CPQ: variants seen among roughly 807,000 people sequenced by gnomAD.
CPQ encodes the protein Ser-Met dipeptidase.
A neutral mutation model predicts 45.7 loss-of-function variants in CPQ; 37 were observed. The observed-to-expected ratio is 0.81, with a 90% CI of 0.62 to 1.07. The LOEUF (loss-of-function observed/expected upper bound fraction) is 1.07, where lower values mean the gene tolerates loss of function less well. Ranked by LOEUF, CPQ falls within the 50% of genes least tolerant of loss-of-function variation. CPQ has a pLI of 0.00. For synonymous variants in CPQ, 186 were observed against 205.8 expected (o/e 0.90, Z 0.82); for missense variants, 537 against 572.9 (o/e 0.94, Z 0.64).
chr8:97,049,024 C>A (rs1465903084), intron 6 of CPQ, among the ~76,000 whole-genome samples: 1 of 152,146 alleles, frequency 6.6e-6, no homozygotes, highest in Non-Finnish European at 1.5e-5. Flanking sequence ...GTAGTTAATG[C>A]CTAATTATAC....
chr8:96,724,845 C>T (rs1166638335), intron 1 of CPQ, among the ~76,000 whole-genome samples: 1 of 151,840 alleles, frequency 6.6e-6, no homozygotes, highest in East Asian at 1.9e-4. Flanking sequence ...TCACATTATC[C>T]AACTTGTTTA....
chr8:96,940,206 G>T (rs1813106505), intron 4 of CPQ, among the ~76,000 whole-genome samples: 1 of 151,904 alleles, frequency 6.6e-6, no homozygotes, highest in African/African-American at 2.4e-5. Context: ...AAACAAATCT[G>T]CCAAATGGGC....
intron 1 of CPQ, among the ~76,000 whole-genome samples, chr8:96,743,105 A>T (rs1810119174): frequency 6.6e-6 from 1 of 152,186 alleles, no homozygotes; most frequent in African/African-American, 2.4e-5. Flanking sequence ...GGTCACTTTC[A>T]GGCACACCAA....
chr8:96,837,187 A>G (rs1216770103), intron 3 of CPQ, among the ~76,000 whole-genome samples: 1 of 152,176 alleles, frequency 6.6e-6, no homozygotes, highest in Non-Finnish European at 1.5e-5. Context: ...ATAAAAACGA[A>G]AATAAAATGA....
intron 1 of CPQ, among the ~76,000 whole-genome samples, chr8:96,684,407 C>G (rs1809195909): frequency 6.6e-6 from 1 of 152,168 alleles, no homozygotes; most frequent in African/African-American, 2.4e-5. Flanking sequence ...CAGGCTGGTC[C>G]TTGGGTACCA....
chr8:97,091,854 A>ATG, intron 7 of CPQ, among the ~76,000 whole-genome samples: 1 of 150,572 alleles, frequency 6.6e-6, no homozygotes, highest in South Asian at 2.1e-4. Context: ...ATGGATGGAT[A>ATG]GATGGATGGA....
chr8:96,872,683 C>T (rs569495665), intron 3 of CPQ, among the ~76,000 whole-genome samples: 2 of 151,848 alleles, frequency 1.3e-5, no homozygotes, highest in East Asian at 3.9e-4. Flanking sequence ...TCCAGAGAAA[C>T]AAAACCAATA....
intron 4 of CPQ, among the ~76,000 whole-genome samples, chr8:96,887,212 AAAAT>A (rs1812316815): frequency 6.6e-6 from 1 of 152,228 alleles, no homozygotes; most frequent in African/African-American, 2.4e-5. Context: ...ATTATATTGT[AAAAT>A]AAATTTTTTA....
At chr8:96,913,979 C>G (rs1407551693) in intron 4 of CPQ, among the ~76,000 whole-genome samples, 2 of 152,160 alleles carry the variant, frequency 1.3e-5, no homozygotes, top group Non-Finnish European at 2.9e-5. Context: ...TCAAGCTTCT[C>G]TACTTAATTG....
At chr8:96,886,451 G>C in intron 4 of CPQ, among the ~76,000 whole-genome samples, 1 of 152,298 alleles carries the variant, frequency 6.6e-6, no homozygotes, top group East Asian at 1.9e-4. Context: ...CTTTGCATTT[G>C]AAAATTCAGA....
At chr8:96,776,942 T>G (rs528553220) in intron 1 of CPQ, among the ~76,000 whole-genome samples, 5 of 152,310 alleles carry the variant, frequency 3.3e-5, no homozygotes, top group African/African-American at 1.2e-4. Context: ...TACTTTGAAT[T>G]CAAGTGAAGG....
chr8:97,015,335 T>A (rs1280728985), intron 5 of CPQ, among the ~76,000 whole-genome samples: 2 of 151,930 alleles, frequency 1.3e-5, no homozygotes, highest in Non-Finnish European at 2.9e-5. Flanking sequence ...GCCAACTAGA[T>A]CAGGCTTGTG....
At chr8:96,919,784 G>A (rs1812783327) in intron 4 of CPQ, among the ~76,000 whole-genome samples, 1 of 152,076 alleles carries the variant, frequency 6.6e-6, no homozygotes, top group Non-Finnish European at 1.5e-5. Context: ...TGTGACTTTG[G>A]TGTGGCCTAA....
At chr8:96,795,814 A>C (rs1810920277) in intron 2 of CPQ, among the ~76,000 whole-genome samples, 2 of 152,118 alleles carry the variant, frequency 1.3e-5, no homozygotes, top group South Asian at 2.1e-4. Context: ...AATAAATGAC[A>C]TATAAAGGAG....
intron 7 of CPQ, among the ~76,000 whole-genome samples, chr8:97,086,608 C>T (rs1216801301): frequency 6.6e-6 from 1 of 152,144 alleles, no homozygotes; most frequent in Non-Finnish European, 1.5e-5. Flanking sequence ...GCCTGATTCA[C>T]CAAAGCTACA....
At chr8:96,704,003 G>A (rs1809501242) in intron 1 of CPQ, among the ~76,000 whole-genome samples, 1 of 152,140 alleles carries the variant, frequency 6.6e-6, no homozygotes, top group African/African-American at 2.4e-5. Flanking sequence ...TTGGAAAATA[G>A]TCCTATGTAG....
At chr8:96,730,566 C>G (rs1809898537) in intron 1 of CPQ, among the ~76,000 whole-genome samples, 1 of 151,988 alleles carries the variant, frequency 6.6e-6, no homozygotes, top group South Asian at 2.1e-4. Context: ...TCCTTCCCCC[C>G]AAAGACTGCT....
At chr8:96,757,097 C>G (rs1007866618) in intron 1 of CPQ, among the ~76,000 whole-genome samples, 1 of 151,986 alleles carries the variant, frequency 6.6e-6, no homozygotes, top group Non-Finnish European at 1.5e-5. Context: ...TGGCGTAATA[C>G]CAGCACTTTG....
intron 1 of CPQ, among the ~76,000 whole-genome samples, chr8:96,781,043 G>T (rs1207509817): frequency 6.6e-6 from 1 of 152,088 alleles, no homozygotes; most frequent in Non-Finnish European, 1.5e-5. Flanking sequence ...TTATAATTTA[G>T]TAGTTTATGA....
Sources: allele counts gnomAD v4.1 joint callset (sites outside exome capture counted in the v4.1 genomes callset), GRCh38; gene constraint gnomAD v4.1.1; transcripts MANE v1.5; gene names NCBI Gene and HGNC (gene_info 2026-07-23, HGNC 2026-07-21).